Variants in CD164L2 observed in about 807,000 individuals in gnomAD.
The protein encoded by CD164L2 is CD164 molecule like 2.
CD164L2 carries 21 observed loss-of-function variants against 23.9 expected under a neutral mutation model. The observed-to-expected ratio is 0.88, with a 90% CI of 0.62 to 1.27. CD164L2 has a LOEUF of 1.27. Ranked by LOEUF, CD164L2 falls within the 50% of genes most tolerant of loss-of-function variation. The pLI, the probability that CD164L2 is intolerant of heterozygous loss-of-function variation, is 0.00. For synonymous variants in CD164L2, 92 were observed against 90.2 expected (o/e 1.02, Z -0.11); for missense variants, 230 against 224.8 (o/e 1.02, Z -0.15).
chr1:27,382,731 C>T, intron 1 of CD164L2, 64 bp from the exon 2 acceptor site: 2 of 1,449,474 alleles, frequency 1.4e-6, no homozygotes, highest in African/African-American at 1.5e-5. Flanking sequence ...CCCGCCCACC[C>T]TCCCACCCAA....
chr1:27,382,473 C>G (rs1249831927), intron 2 of CD164L2, 27 bp downstream of exon 2: 1 of 1,586,216 alleles, frequency 6.3e-7, no homozygotes. Flanking sequence ...TGGGGGCACT[C>G]AATCTGGGGA....
chr1:27,381,747 C>T lies in CD164L2; in HGVS notation c.373+33G>A, dbSNP rs756603878. 2.5e-6 allele frequency: 4 copies of T among 1,611,926 alleles called. No individual in the cohort carries two copies. In the South Asian group the frequency reaches 4.4e-5, roughly 18 times the overall value. ...AGCTGTCTTCCCCTGCACCTCTGCT[C>T]CTCCCACTGCCCCGTCTCCAGGGAG... On this transcript the variant is annotated intron_variant, in intron 4 of 5. Coordinates refer to ENST00000374030, the MANE Select transcript of CD164L2 (RefSeq NM_001330448.1).
rs1013084905 is a variant in CD164L2 at position 27,379,388 on chromosome 1, A to G, written c.*115T>C. ...GCCTGCTTGGTGCCCGCAGGAGCCA[A>G]AAACTGGCGGCCAGAGTTTTTCCCG... On this transcript the variant is annotated 3_prime_UTR_variant, in exon 6 of 6. Coordinates refer to ENST00000374030, the MANE Select transcript of CD164L2 (RefSeq NM_001330448.1). The G allele has an allele frequency of 1.1e-5, 12 of 1,044,826 alleles. No individual in the cohort carries two copies. The highest frequency in any genetic ancestry group is 1.7e-5 in the Non-Finnish European group (12 of 692,230). 64.7% of individuals were successfully genotyped at this position (1,044,826 alleles called of 1,614,324 possible). A position where few individuals can be genotyped will look rare whatever the true frequency, so the allele number is the denominator to read the frequency against.
chr1:27,382,731 C>G, intron 1 of CD164L2, 64 bp from the exon 2 acceptor site: 9 of 1,449,474 alleles, frequency 6.2e-6, no homozygotes, highest in Non-Finnish European at 8.3e-6. Context: ...CCCGCCCACC[C>G]TCCCACCCAA....
Position 27,383,327 on chromosome 1 carries a change from A to G in CD164L2, c.-88T>C. ...GTCCCTCCCAGACTGGGCTCGGCTG[A>G]GCGTGTGCGGAGCGAGACCTGGGCA... On this transcript the variant is annotated 5_prime_UTR_variant, in exon 1 of 6. Coordinates refer to ENST00000374030, the MANE Select transcript of CD164L2 (RefSeq NM_001330448.1). The G allele has an allele frequency of 1.2e-6, 1 of 858,006 alleles. No individual in the cohort carries two copies. Among genetic ancestry groups the G allele is most frequent in the Non-Finnish European group, 1.8e-6 (1 of 564,410 alleles). The allele number at this position is 858,006 out of a possible 1,614,324, so 53.1% of individuals were successfully genotyped here.
At chr1:27,382,170 G>C in intron 3 of CD164L2, 158 bp downstream of exon 3, 1 of 1,563,938 alleles carries the variant, frequency 6.4e-7, no homozygotes, top group South Asian at 1.2e-5. Flanking sequence ...TAGGCAGAGA[G>C]AGGAGGGGAC....
intron 4 of CD164L2, among the ~76,000 whole-genome samples, chr1:27,380,573 C>T (rs879651742): frequency 2.6e-5 from 4 of 152,220 alleles, no homozygotes; most frequent in African/African-American, 7.2e-5. Context: ...TCAGACCCTC[C>T]CCTGCTCACA....
At chr1:27,381,687 C>T in intron 4 of CD164L2, 93 bp downstream of exon 4, 2 of 1,410,204 alleles carry the variant, frequency 1.4e-6, no homozygotes, top group East Asian at 4.7e-5. Context: ...AGGCGCAGGG[C>T]CGAGGTCACA....
intron 4 of CD164L2, among the ~76,000 whole-genome samples, chr1:27,380,692 C>G (rs928269209): frequency 6.6e-6 from 1 of 152,226 alleles, no homozygotes; most frequent in Admixed American, 6.5e-5. Context: ...TGTCAGAGCC[C>G]TCAGAGAGGG....
rs1315558229 is a variant in CD164L2, at chr1:27,383,172, C to G, written c.68G>C (p.Cys23Ser). The change falls in exon 1 of 6, where the codon TGT (cysteine) becomes TCT (serine). Residue 23 changes from cysteine (C) to serine (S), a missense_variant. Cys to Ser is a moderately radical substitution (Grantham distance 112). Coordinates refer to ENST00000374030, the MANE Select transcript of CD164L2 (RefSeq NM_001330448.1). The part of the protein sequence containing the change: ...LCGGCCCLLL[C>S]AQLAVAGKGA... ...GTTACCAGCCACAGCCAGCTGGGCA[C>G]ATAGGAGGAGGCAGCAACAGCCGCC... 6.5e-7 allele frequency: 1 copy of G among 1,548,518 alleles called. No homozygotes were observed. The highest frequency in any genetic ancestry group is 8.7e-7 in the Non-Finnish European group (1 of 1,146,812).
chr1:27,379,269 C>T lies in CD164L2; in HGVS notation c.*234G>A, dbSNP rs1363848677. ...CCCACTGTCAGGCTGGGGGGCCCAG[C>T]AGGGGCGATGGAGGAGACGAGGTGG... On this transcript the variant is annotated 3_prime_UTR_variant, in exon 6 of 6. Coordinates refer to ENST00000374030, the MANE Select transcript of CD164L2 (RefSeq NM_001330448.1). 5 of 593,152 alleles carry T rather than the reference C, an allele frequency of 8.4e-6. No homozygotes were observed. The African/African-American group carries it at 9.3e-5, about 11-fold the overall frequency. The allele number at this position is 593,152 out of a possible 1,614,324, so 36.7% of individuals were successfully genotyped here.
At chr1:27,379,735 C>T (rs1384427285) in intron 5 of CD164L2, 17 of 1,445,770 alleles carry the variant, frequency 1.2e-5, no homozygotes, top group South Asian at 4.4e-5. Context: ...GCCACAGAAA[C>T]GCGGGCCACA....
chr1:27,379,663 AGGCACAGCTCCCCTTCTC>A, intron 5 of CD164L2, 154 bp from the exon 6 acceptor site: 2 of 1,509,378 alleles, frequency 1.3e-6, no homozygotes, highest in Non-Finnish European at 1.8e-6. Context: ...AGAGGGCCTC[AGGCACAGCTCCCCTTCTC>A]AGAGCAAAAC....
At chr1:27,382,796 G>A in intron 1 of CD164L2, 129 bp from the exon 2 acceptor site, 2 of 957,282 alleles carry the variant, frequency 2.1e-6, no homozygotes, top group Non-Finnish European at 2.9e-6. Flanking sequence ...ACTCACCCCT[G>A]GATCCCCAAG....
chr1:27,382,712 G>A (rs2016362404), intron 1 of CD164L2, 45 bp from the exon 2 acceptor site: 1 of 1,536,870 alleles, frequency 6.5e-7, no homozygotes, highest in Non-Finnish European at 8.8e-7. Context: ...TCGAAGCCAA[G>A]CTGTGGCACC....
Position 27,382,546 on chromosome 1 carries a change from G to A in CD164L2, c.210C>T (p.Arg70=). ...GCTCCCACACGCAGCTGGAGAGATTGCGCGCTCCGTCTCCCTCCACGCAGT... is the reference window on the plus strand; with the variant it reads ...GCTCCCACACGCAGCTGGAGAGATTACGCGCTCCGTCTCCCTCCACGCAGT... ...CEHCVEGDGA[R]NLSSCVWEQC... Residue 70 remains arginine (R), a synonymous_variant, in exon 2 of 6, where the codon CGC becomes CGT. Transcript: ENST00000374030. 6.2e-7 allele frequency: 1 copy of A among 1,613,760 alleles called. No homozygotes were observed. The highest frequency in any genetic ancestry group is 8.5e-7 in the Non-Finnish European group (1 of 1,179,866).
intron 4 of CD164L2, among the ~76,000 whole-genome samples, chr1:27,381,485 C>T (rs1423076562): frequency 5.9e-5 from 9 of 152,132 alleles, no homozygotes; most frequent in African/African-American, 1.2e-4. Flanking sequence ...GGACAAGTCC[C>T]GAGGGGTGAC....
chr1:27,380,974 G>A (rs1333578506), intron 4 of CD164L2, among the ~76,000 whole-genome samples: 3 of 152,258 alleles, frequency 2.0e-5, no homozygotes, highest in Non-Finnish European at 2.9e-5. Context: ...TTGATTTCAG[G>A]CCCTGGGCTG....
Position 27,382,566 on chromosome 1 carries a change from C to G in CD164L2, c.190G>C (p.Val64Leu). 4 of 1,613,734 alleles carry G rather than the reference C, an allele frequency of 2.5e-6. No individual in the cohort carries two copies. The highest frequency in any genetic ancestry group is 2.5e-6 in the Non-Finnish European group (3 of 1,179,944). The change falls in exon 2 of 6, where the codon GTG becomes CTG. Residue 64 changes from valine (V) to leucine (L), a missense_variant. Coordinates refer to ENST00000374030, the MANE Select transcript of CD164L2 (RefSeq NM_001330448.1). ...AGATTGCGCGCTCCGTCTCCCTCCA[C>G]GCAGTGCTCACAGACCTCCAGCTGT... ...CKQLEVCEHC[V>L]EGDGARNLSS...
Sources: gnomAD v4.1 joint callset for allele counts (sites outside exome capture counted in the v4.1 genomes callset) on GRCh38, gnomAD v4.1.1 for gene constraint, MANE v1.5 for transcripts, NCBI Gene and HGNC (gene_info 2026-07-23, HGNC 2026-07-21) for gene names.